ZBTB16: variants seen among roughly 807,000 people sequenced by gnomAD.
The protein encoded by ZBTB16 is zinc finger and BTB domain-containing protein 16.
A neutral mutation model predicts 56.8 loss-of-function variants in ZBTB16; 8 were observed. The observed-to-expected ratio is 0.14, with a 90% confidence interval of 0.08 to 0.25. ZBTB16 has a LOEUF of 0.25. ZBTB16 is among the 10% of genes least tolerant of loss of function. The pLI, the probability that ZBTB16 is intolerant of heterozygous loss-of-function variation, is 1.00. For synonymous variants in ZBTB16, 363 were observed against 368.5 expected (o/e 0.98, Z 0.17); for missense variants, 625 against 903.0 (o/e 0.69, Z 3.95).
intron 3 of ZBTB16, among the ~76,000 whole-genome samples, chr11:114,159,949 G>GGA (rs1565658368): frequency 6.9e-6 from 1 of 145,474 alleles, no homozygotes; most frequent in Non-Finnish European, 1.5e-5. Context: ...GGGGGGAGGC[G>GGA]AGCATTTTTT....
Position 114,176,000 on chromosome 11 carries a change from T to C in ZBTB16, c.1367-10952T>C, listed in dbSNP as rs200158455. Among the ~76,000 whole-genome samples, 1,237 of 144,516 alleles carry C rather than the reference T, an allele frequency of 8.6e-3. 45 individuals are homozygous for C. The East Asian group carries it at 0.14, about 16-fold the overall frequency. 94.8% of individuals were successfully genotyped at this position (144,516 alleles called of 152,430 possible). Reference sequence around the variant, plus strand: ...AGGGGTGTGTGTGTGTGTGTGTGTGTGCGTGCGTGTGTGTGTGTGTGTGTA... The same window carrying C: ...AGGGGTGTGTGTGTGTGTGTGTGTGCGCGTGCGTGTGTGTGTGTGTGTGTA... On this transcript the variant is annotated intron_variant, in intron 3 of 6. Coordinates refer to ENST00000335953, the MANE Select transcript of ZBTB16 (RefSeq NM_006006.6).
intron 3 of ZBTB16, among the ~76,000 whole-genome samples, chr11:114,168,779 A>G (rs1452839870): frequency 6.6e-6 from 1 of 152,202 alleles, no homozygotes; most frequent in Non-Finnish European, 1.5e-5. Flanking sequence ...GAGACCAGGA[A>G]GGCCCTGTGC....
At chr11:114,235,690 CTTTTCTTTCTTTCTTTTCTTTCTTTCT>C (rs1444954773) in intron 4 of ZBTB16, among the ~76,000 whole-genome samples, 1 of 68,260 alleles carries the variant, frequency 1.5e-5, no homozygotes, top group Non-Finnish European at 2.8e-5. Flanking sequence ...TTCTTTCTTT[CTTTTCTTTCTTTCTTTTCTTTCTTTCT>C]TTTTCTTTCT....
chr11:114,222,108 G>T (rs895723590), intron 4 of ZBTB16, among the ~76,000 whole-genome samples: 1 of 152,076 alleles, frequency 6.6e-6, no homozygotes, highest in African/African-American at 2.4e-5. Context: ...TGAATCACAG[G>T]GTCTTTCATG....
At chr11:114,118,003 A>G (rs1048013370) in intron 2 of ZBTB16, among the ~76,000 whole-genome samples, 2 of 152,164 alleles carry the variant, frequency 1.3e-5, no homozygotes, top group Non-Finnish European at 2.9e-5. Context: ...GTAGTTACTG[A>G]CTGACGAAAT....
intron 2 of ZBTB16, chr11:114,121,806 C>T (rs1941354765): frequency 2.2e-6 from 1 of 455,892 alleles, no homozygotes; most frequent in South Asian, 1.5e-5. Flanking sequence ...TCTGAGTCTA[C>T]TCTCAATGCA....
chr11:114,225,760 C>T (rs1438181185), intron 4 of ZBTB16, among the ~76,000 whole-genome samples: 1 of 152,166 alleles, frequency 6.6e-6, no homozygotes. Context: ...ACACCACAGC[C>T]CACTGATTTA....
At position 114,252,759 on chromosome 11, in the gene ZBTB16, G is replaced by A. The variant is rs754973692; in HGVS notation, c.*2204G>A. 2.0e-5 allele frequency among the ~76,000 whole-genome samples: 3 copies of A among 152,140 alleles called. No individual in the cohort carries two copies. In the East Asian group the frequency reaches 5.8e-4, roughly 29 times the overall value. On this transcript the variant is annotated 3_prime_UTR_variant, in exon 7 of 7. Transcript: ENST00000335953. ...ACGAGGAATGTAGGGAAGCCGGAGG[G>A]ATGGGTGCTGCTGCGACGACCCCCC...
chr11:114,081,579 C>G (rs1939760565), intron 2 of ZBTB16, among the ~76,000 whole-genome samples: 1 of 152,136 alleles, frequency 6.6e-6, no homozygotes, highest in South Asian at 2.1e-4. Flanking sequence ...GCAAGATAGA[C>G]AAGACGTCTA....
chr11:114,232,271 CT>C (rs1485317548), intron 4 of ZBTB16, among the ~76,000 whole-genome samples: 4 of 152,146 alleles, frequency 2.6e-5, no homozygotes, highest in Non-Finnish European at 5.9e-5. Flanking sequence ...CTGATTGTAG[CT>C]TTTGGTTTAT....
At chr11:114,118,315 T>C (rs1254054851) in intron 2 of ZBTB16, among the ~76,000 whole-genome samples, 5 of 152,090 alleles carry the variant, frequency 3.3e-5, no homozygotes, top group African/African-American at 1.2e-4. Flanking sequence ...TAGCTGGGAC[T>C]ATAGGCACCT....
At chr11:114,226,240 G>A (rs1395217113) in intron 4 of ZBTB16, among the ~76,000 whole-genome samples, 1 of 152,122 alleles carries the variant, frequency 6.6e-6, no homozygotes, top group Non-Finnish European at 1.5e-5. Context: ...GTTCCCCAGG[G>A]GAAATAAAGC....
At chr11:114,230,058 G>A (rs1045350881) in intron 4 of ZBTB16, among the ~76,000 whole-genome samples, 5 of 152,112 alleles carry the variant, frequency 3.3e-5, no homozygotes, top group South Asian at 2.1e-4. Flanking sequence ...TGGTGGTCCC[G>A]CCCTCTCGGT....
At chr11:114,110,401 C>T (rs937211321) in intron 2 of ZBTB16, among the ~76,000 whole-genome samples, 2 of 152,128 alleles carry the variant, frequency 1.3e-5, no homozygotes, top group Admixed American at 1.3e-4. Context: ...TAGAAATACT[C>T]CAGGGAAAGC....
At chr11:114,189,949 G>A (rs186622047) in intron 4 of ZBTB16, among the ~76,000 whole-genome samples, 4 of 152,252 alleles carry the variant, frequency 2.6e-5, no homozygotes, top group Admixed American at 2.6e-4. Flanking sequence ...CTGGTGAATG[G>A]ATAAACAAAG....
chr11:114,077,794 C>T (rs1215528639), intron 2 of ZBTB16, among the ~76,000 whole-genome samples: 2 of 152,196 alleles, frequency 1.3e-5, no homozygotes, highest in Non-Finnish European at 2.9e-5. Flanking sequence ...AGGGTTGCAA[C>T]TGAAGAAAAG....
chr11:114,194,466 G>T (rs905987801), intron 4 of ZBTB16, among the ~76,000 whole-genome samples: 8 of 152,166 alleles, frequency 5.3e-5, no homozygotes, highest in Non-Finnish European at 1.0e-4. Flanking sequence ...CACGCTTATG[G>T]TTGGGCTGGG....
At chr11:114,205,316 A>G (rs903507356) in intron 4 of ZBTB16, among the ~76,000 whole-genome samples, 11 of 151,908 alleles carry the variant, frequency 7.2e-5, no homozygotes, top group African/African-American at 2.4e-4. Context: ...AGGCTGAGGC[A>G]GGAGAATGAC....
In ZBTB16 at chr11:114,063,828, C is replaced by G; in HGVS notation, c.528C>G (p.Leu176=). 3.1e-6 allele frequency: 5 copies of G among 1,614,154 alleles called. No homozygotes were observed. Among genetic ancestry groups the G allele is most frequent in the Non-Finnish European group, 4.2e-6 (5 of 1,180,044 alleles). The part of the protein sequence containing the change: ...SGYASVAGQS[L]PGPMVDQSPS... Reference sequence around the variant, plus strand: ...ATGCCAGTGTGGCTGGACAGAGCCTCCCTGGGCCCATGGTGGACCAGAGCC... The same window carrying G: ...ATGCCAGTGTGGCTGGACAGAGCCTGCCTGGGCCCATGGTGGACCAGAGCC... Residue 176 remains leucine (L), a synonymous_variant, in exon 2 of 7, where the codon CTC becomes CTG. Transcript: ENST00000335953. This position sits in a 1 kb window ranked among gnomAD's most constrained non-coding sequence, Gnocchi z 6.5.
Sources: allele counts gnomAD v4.1 joint callset (sites outside exome capture counted in the v4.1 genomes callset), GRCh38; gene constraint gnomAD v4.1.1; non-coding constraint Gnocchi (gnomAD v3.1); transcripts MANE v1.5; gene names NCBI Gene and HGNC (gene_info 2026-07-23, HGNC 2026-07-21).